Variants in SLC7A5 observed in about 807,000 individuals in gnomAD.
SLC7A5 encodes the protein large neutral amino acids transporter small subunit 1.
A neutral mutation model predicts 50.2 loss-of-function variants in SLC7A5; 23 were observed. That is an observed-to-expected ratio of 0.46 (90% CI 0.33 to 0.65). The LOEUF (loss-of-function observed/expected upper bound fraction) is 0.65. Among genes scored for constraint, SLC7A5 ranks in the 30% least tolerant of loss-of-function variants. SLC7A5 has a pLI of 0.02. For missense variants in SLC7A5, 578 were observed against 684.4 expected (o/e 0.84, Z 1.73); for synonymous variants, 393 against 330.6 (o/e 1.19, Z -2.05).
chr16:87,851,949 T>A, intron 1 of SLC7A5, 100 bp from the exon 2 acceptor site: 1 of 1,447,112 alleles, frequency 6.9e-7, no homozygotes, highest in Non-Finnish European at 9.5e-7. Flanking sequence ...CAGGGCCAGG[T>A]CCACCAGAAA....
In SLC7A5 at chr16:87,837,305, C is replaced by T. The variant is rs970382155; in HGVS notation, c.1140+540G>A. On this transcript the variant is annotated intron_variant, in intron 7 of 9. Transcript: ENST00000261622. ...CCTGGAGGAAGCCACTGTGGAGTGG[C>T]CTCTCCAGCCCTGGTCACACCCTAC... 6 of 185,366 alleles carry T rather than the reference C, an allele frequency of 3.2e-5. No individual in the cohort carries two copies. The East Asian group carries it at 7.9e-4, about 24-fold the overall frequency. 11.5% of individuals were successfully genotyped at this position (185,366 alleles called of 1,614,324 possible).
intron 1 of SLC7A5, among the ~76,000 whole-genome samples, chr16:87,864,316 T>A (rs950372471): frequency 1.5e-4 from 23 of 151,868 alleles, no homozygotes; most frequent in Middle Eastern, 3.4e-3. Context: ...AAATAAATAA[T>A]AAATAAGTAA....
chr16:87,839,661 C>T (rs1187417096), intron 5 of SLC7A5, 41 bp downstream of exon 5: 2 of 1,611,532 alleles, frequency 1.2e-6, no homozygotes, highest in Admixed American at 1.7e-5. Context: ...CTGGCCACAG[C>T]CTCTCAGGCC....
At chr16:87,849,465 G>A (rs963499209) in intron 2 of SLC7A5, among the ~76,000 whole-genome samples, 5 of 152,102 alleles carry the variant, frequency 3.3e-5, no homozygotes, top group Admixed American at 1.3e-4. Flanking sequence ...TATTCAAGTC[G>A]AACAAAAGCT....
rs549884920 is a variant in SLC7A5, at chr16:87,853,601, G to A, written c.539-1752C>T. ...AGTGGGTCTAGGCAGCTCCTTGTCC[G>A]CTGCACAGGGCAAGGGGCAGGTCCT... is the stretch of plus-strand genomic sequence containing the variant. On this transcript the variant is annotated intron_variant, in intron 1 of 9. Transcript: ENST00000261622. The surrounding 1 kb of genome is among the most constrained non-coding windows in gnomAD (Gnocchi z 4.4). Among the ~76,000 whole-genome samples the A allele has an allele frequency of 1.6e-4, 25 of 152,270 alleles. No individual in the cohort carries two copies. Among genetic ancestry groups the A allele is most frequent in the Admixed American group, 7.2e-4 (11 of 15,298 alleles).
chr16:87,847,305 G>A (rs2055166116), intron 2 of SLC7A5, among the ~76,000 whole-genome samples: 1 of 152,196 alleles, frequency 6.6e-6, no homozygotes, highest in African/African-American at 2.4e-5. Flanking sequence ...ACCACTGAGG[G>A]GGCCTTTGTC....
chr16:87,858,224 C>A (rs1439914931), intron 1 of SLC7A5, among the ~76,000 whole-genome samples: 1 of 152,226 alleles, frequency 6.6e-6, no homozygotes, highest in African/African-American at 2.4e-5. Context: ...TTCCAACAGA[C>A]TGGAACAACT....
In SLC7A5 at chr16:87,834,604, A is replaced by C; in HGVS notation, c.1291-13T>G. On this transcript the variant is annotated splice_polypyrimidine_tract_variant and intron_variant, in intron 8 of 9. Transcript: ENST00000261622. ...GGGCCAGGTTCACCTGGGGCAGAGGACAGGGCCTGGGTGAGCCCTCTCCTG... is the reference window on the plus strand; with the variant it reads ...GGGCCAGGTTCACCTGGGGCAGAGGCCAGGGCCTGGGTGAGCCCTCTCCTG... 6.3e-7 allele frequency: 1 copy of C among 1,577,012 alleles called. No individual in the cohort carries two copies. Among genetic ancestry groups the C allele is most frequent in the Non-Finnish European group, 8.6e-7 (1 of 1,162,718 alleles).
At chr16:87,851,174 C>A (rs2055217975) in intron 2 of SLC7A5, among the ~76,000 whole-genome samples, 1 of 152,228 alleles carries the variant, frequency 6.6e-6, no homozygotes, top group Admixed American at 6.5e-5. Flanking sequence ...GATGGGGTTA[C>A]CACGTTTGTT....
chr16:87,861,870 C>T lies in SLC7A5; in HGVS notation c.538+7015G>A, dbSNP rs932791604. Among the ~76,000 whole-genome samples, 1 of 152,262 alleles carries T rather than the reference C, an allele frequency of 6.6e-6. No homozygotes were observed. The highest frequency in any genetic ancestry group is 2.4e-5 in the African/African-American group (1 of 41,472). On this transcript the variant is annotated intron_variant, in intron 1 of 9. Transcript: ENST00000261622. The surrounding 1 kb of genome is among the most constrained non-coding windows in gnomAD (Gnocchi z 4.2). Reference sequence around the variant, plus strand: ...CCTTGCCCCGAATCCCGTGATGCAGCGTGACCTGCCTAGGTGCCGGCGGCA... The same window carrying T: ...CCTTGCCCCGAATCCCGTGATGCAGTGTGACCTGCCTAGGTGCCGGCGGCA...
intron 5 of SLC7A5, among the ~76,000 whole-genome samples, chr16:87,839,401 G>A (rs1403404313): frequency 6.6e-6 from 1 of 152,208 alleles, no homozygotes; most frequent in African/African-American, 2.4e-5. Flanking sequence ...CCTCTGCCCT[G>A]GACTCCCCAG....
In SLC7A5 at chr16:87,869,438, C is replaced by T. The variant is rs1308185229; in HGVS notation, c.-16G>A. On this transcript the variant is annotated 5_prime_UTR_variant, in exon 1 of 10. Transcript: ENST00000261622. Reference sequence around the variant, plus strand: ...CACCCGCCATGCTCTGCGCACCGGCCGGGCCTGGGACACCCGGGAGCCGCG... The same window carrying T: ...CACCCGCCATGCTCTGCGCACCGGCTGGGCCTGGGACACCCGGGAGCCGCG... 5 of 1,432,098 alleles carry T rather than the reference C, an allele frequency of 3.5e-6. No individual in the cohort carries two copies. Among genetic ancestry groups the T allele is most frequent in the East Asian group, 2.7e-5 (1 of 36,762 alleles). The allele number at this position is 1,432,098 out of a possible 1,614,324, so 88.7% of individuals were successfully genotyped here.
chr16:87,851,893 C>G, intron 1 of SLC7A5, 44 bp from the exon 2 acceptor site: 1 of 1,611,486 alleles, frequency 6.2e-7, no homozygotes, highest in Non-Finnish European at 8.5e-7. Flanking sequence ...GGCAGACAGA[C>G]GCCAGCTCAG....
rs2055395213 is a variant in SLC7A5, at chr16:87,861,322, A to G, written c.538+7563T>C. 6.6e-6 allele frequency among the ~76,000 whole-genome samples: 1 copy of G among 152,014 alleles called. No homozygotes were observed. The highest frequency in any genetic ancestry group is 6.6e-5 in the Admixed American group (1 of 15,266). ...GGGAACACAGATGAGCCTCTGACCC[A>G]CCTGTGTCCTTACCTGGGCCGACTG... On this transcript the variant is annotated intron_variant, in intron 1 of 9. Coordinates refer to ENST00000261622, the MANE Select transcript of SLC7A5 (RefSeq NM_003486.7). The surrounding 1 kb of genome is among the most constrained non-coding windows in gnomAD (Gnocchi z 4.2).
chr16:87,859,223 G>C (rs1432324102), intron 1 of SLC7A5, among the ~76,000 whole-genome samples: 6 of 152,188 alleles, frequency 3.9e-5, no homozygotes, highest in Admixed American at 3.9e-4. Context: ...GACAGTGCCC[G>C]GGCCCTGCTC....
At chr16:87,849,282 T>G (rs1053016514) in intron 2 of SLC7A5, among the ~76,000 whole-genome samples, 1 of 152,182 alleles carries the variant, frequency 6.6e-6, no homozygotes, top group East Asian at 1.9e-4. Context: ...CAACACAATG[T>G]ATCTTCTAAA....
In SLC7A5 at chr16:87,860,371, C is replaced by T. The variant is rs2055379508; in HGVS notation, c.538+8514G>A. Among the ~76,000 whole-genome samples the T allele has an allele frequency of 1.4e-5, 2 of 146,608 alleles. No individual in the cohort carries two copies. The highest frequency in any genetic ancestry group is 5.2e-5 in the African/African-American group (2 of 38,574). ...ACACACACACACACACACACACACA[C>T]ACACACACACACACACACACACACA... On this transcript the variant is annotated intron_variant, in intron 1 of 9. Transcript: ENST00000261622. The surrounding 1 kb of genome is among the most constrained non-coding windows in gnomAD (Gnocchi z 4.8).
intron 1 of SLC7A5, among the ~76,000 whole-genome samples, chr16:87,856,894 G>A (rs1028259781): frequency 2.6e-5 from 4 of 152,216 alleles, no homozygotes; most frequent in African/African-American, 4.8e-5. Context: ...GGCAGGTCCG[G>A]GAGATGGAGA....
intron 1 of SLC7A5, among the ~76,000 whole-genome samples, chr16:87,856,753 C>T (rs989712241): frequency 1.3e-5 from 2 of 152,212 alleles, no homozygotes; most frequent in African/African-American, 4.8e-5. Flanking sequence ...GTCTAAATAT[C>T]CCCTGCTCTG....
Sources: allele counts gnomAD v4.1 joint callset (sites outside exome capture counted in the v4.1 genomes callset), GRCh38; gene constraint gnomAD v4.1.1; non-coding constraint Gnocchi (gnomAD v3.1); transcripts MANE v1.5; gene names NCBI Gene and HGNC (gene_info 2026-07-23, HGNC 2026-07-21).